Variants in ARFGEF3 observed in about 807,000 individuals in gnomAD.
ARFGEF3 encodes the protein brefeldin A-inhibited guanine nucleotide-exchange protein 3.
Under a neutral mutation model 221.7 loss-of-function variants are expected in ARFGEF3, and 96 were observed. The observed-to-expected ratio is 0.43, with a 90% confidence interval of 0.37 to 0.51. The LOEUF (loss-of-function observed/expected upper bound fraction) is 0.51. Ranked by LOEUF, ARFGEF3 falls within the 20% of genes least tolerant of loss-of-function variation. ARFGEF3 has a pLI of 0.00. For synonymous variants in ARFGEF3, 1,145 were observed against 1,126.8 expected (o/e 1.02, Z -0.32); for missense variants, 2,410 against 2,789.9 (o/e 0.86, Z 3.07).
chr6:138,317,023 T>C (rs1779937395), intron 26 of ARFGEF3, among the ~76,000 whole-genome samples: 1 of 152,232 alleles, frequency 6.6e-6, no homozygotes, highest in South Asian at 2.1e-4. Flanking sequence ...ACCTTTTTAT[T>C]AAAGGGGAAG....
At position 138,292,048 on chromosome 6, in the gene ARFGEF3, C is replaced by T. The variant is rs755656149; in HGVS notation, c.3363C>T (p.Ala1121=). The change falls in exon 19 of 34, where the codon GCC becomes GCT. Residue 1121 remains alanine, a synonymous_variant. Transcript: ENST00000251691. ...TGGTGCTCACCCTCTCCACGCAAGC[C>T]GACAGGTGCGCGGCGCCGGCCTCCC... ...AKVVLTLSTQ[A]DRLFEDATDK... is the part of the protein sequence containing the mutation. 7.0e-7 allele frequency: 1 copy of T among 1,437,692 alleles called. No individual in the cohort carries two copies. Among genetic ancestry groups the T allele is most frequent in the Non-Finnish European group, 9.1e-7 (1 of 1,098,492 alleles). The allele number at this position is 1,437,692 out of a possible 1,614,324, so 89.1% of individuals were successfully genotyped here. A position where few individuals can be genotyped will look rare whatever the true frequency, so the allele number is the denominator to read the frequency against.
intron 29 of ARFGEF3, among the ~76,000 whole-genome samples, chr6:138,322,695 T>C (rs767682704): frequency 6.6e-6 from 1 of 150,498 alleles, no homozygotes; most frequent in African/African-American, 2.5e-5. Flanking sequence ...CTCAGGAGGC[T>C]GAGGCAGGAG....
chr6:138,177,093 ATTTATATTTT>A (rs751576135), intron 2 of ARFGEF3, among the ~76,000 whole-genome samples: 1,996 of 129,560 alleles, frequency 0.015, 20 homozygotes, highest in Middle Eastern at 0.036. Context: ...TTATTTATTT[ATTTATATTTT>A]TTTTGAGACA....
intron 4 of ARFGEF3, among the ~76,000 whole-genome samples, chr6:138,215,676 G>A (rs977721849): frequency 2.6e-5 from 4 of 151,692 alleles, no homozygotes; most frequent in Non-Finnish European, 4.4e-5. Flanking sequence ...GAGCAGAAAA[G>A]CCAAGTCACA....
chr6:138,179,026 A>T (rs1043217001), intron 2 of ARFGEF3, among the ~76,000 whole-genome samples: 3 of 152,184 alleles, frequency 2.0e-5, no homozygotes, highest in African/African-American at 7.2e-5. Context: ...GATGCTAAAG[A>T]TACAAAGTTT....
chr6:138,279,480 C>G (rs975995461), intron 13 of ARFGEF3, among the ~76,000 whole-genome samples: 2 of 152,232 alleles, frequency 1.3e-5, no homozygotes, highest in Non-Finnish European at 2.9e-5. Context: ...ATGGAGCAAG[C>G]CACTCCATGG....
intron 12 of ARFGEF3, among the ~76,000 whole-genome samples, chr6:138,268,363 C>T (rs1778935432): frequency 1.3e-5 from 2 of 152,180 alleles, no homozygotes; most frequent in Non-Finnish European, 2.9e-5. Context: ...CTCACTTTGT[C>T]ATAAACGTCC....
chr6:138,193,613 G>A (rs1384095474), intron 2 of ARFGEF3, among the ~76,000 whole-genome samples: 1 of 152,174 alleles, frequency 6.6e-6, no homozygotes, highest in East Asian at 1.9e-4. Context: ...ATTTAGGAAT[G>A]CCAATTTTAG....
At chr6:138,258,634 C>T (rs1778730759) in intron 10 of ARFGEF3, among the ~76,000 whole-genome samples, 1 of 152,190 alleles carries the variant, frequency 6.6e-6, no homozygotes, top group African/African-American at 2.4e-5. Context: ...GAATGGGGAA[C>T]AAGCTTCTTG....
chr6:138,212,638 A>G (rs1469293871), intron 4 of ARFGEF3, among the ~76,000 whole-genome samples: 3 of 152,252 alleles, frequency 2.0e-5, no homozygotes, highest in African/African-American at 7.2e-5. Flanking sequence ...TATGTCCATC[A>G]ATGATAGACT....
chr6:138,164,166 C>A (rs376293786), intron 1 of ARFGEF3, among the ~76,000 whole-genome samples: 43 of 152,300 alleles, frequency 2.8e-4, no homozygotes, highest in East Asian at 1.7e-3. Flanking sequence ...TTTCCCACTC[C>A]AGTCCATTTC....
chr6:138,315,007 A>C lies in ARFGEF3; in HGVS notation c.4345+1068A>C, dbSNP rs577754798. ...ACTGCAAATTTGCAGATTCCACTTAAGTAGTTTCTAACTCTCAATTCTCTT... is the reference window on the plus strand; with the variant it reads ...ACTGCAAATTTGCAGATTCCACTTACGTAGTTTCTAACTCTCAATTCTCTT... On this transcript the variant is annotated intron_variant, in intron 26 of 33. Coordinates refer to ENST00000251691, the MANE Select transcript of ARFGEF3 (RefSeq NM_020340.5). 4.6e-5 allele frequency among the ~76,000 whole-genome samples: 7 copies of C among 152,362 alleles called. No homozygotes were observed. In the East Asian group the frequency reaches 1.3e-3, roughly 29 times the overall value.
intron 8 of ARFGEF3, among the ~76,000 whole-genome samples, chr6:138,250,498 C>T (rs917367187): frequency 1.3e-5 from 2 of 152,254 alleles, no homozygotes; most frequent in African/African-American, 4.8e-5. Flanking sequence ...TTCCCACTGT[C>T]TGTCTTAATT....
At position 138,285,955 on chromosome 6, in the gene ARFGEF3, G is replaced by A; in HGVS notation, c.2471G>A (p.Gly824Asp). Residue 824 changes from glycine to aspartate, a missense_variant, in exon 15 of 34, where the codon GGC becomes GAC. Physicochemically the swap from Gly to Asp is moderately conservative, Grantham distance 94. Transcript: ENST00000251691. ...TCTTTTTCCTTGACAGATATTGACG[G>A]CTTAGAGAGCAGTGCCATTGGTGGC... ...PLITMLTDID[G>D]LESSAIGGQL... 6.2e-7 allele frequency: 1 copy of A among 1,609,156 alleles called. No individual in the cohort carries two copies. The highest frequency in any genetic ancestry group is 1.1e-5 in the South Asian group (1 of 91,000).
chr6:138,263,438 C>G lies in ARFGEF3; in HGVS notation c.1955C>G (p.Ser652Cys), dbSNP rs748915198. 1 of 1,613,996 alleles carries G rather than the reference C, an allele frequency of 6.2e-7. No homozygotes were observed. Among genetic ancestry groups the G allele is most frequent in the Admixed American group, 1.7e-5 (1 of 60,028 alleles). ...QTPRDCLGHR[S>C]LRTAALSLKL... ...CCCCGGGACTGCCTAGGCCACCGGT[C>G]CCTGCGAACTGCCGCCCTGTCTCTA... is the stretch of plus-strand genomic sequence containing the variant. Residue 652 changes from serine (S) to cysteine (C), a missense_variant, in exon 12 of 34, where the codon TCC becomes TGC. Around this residue, in one of 5 missense-constraint regions of ARFGEF3, gnomAD observed 594 missense variants for 734.3 expected, o/e 0.81. Transcript: ENST00000251691.
chr6:138,247,813 AGT>A (rs1305011510), intron 8 of ARFGEF3, among the ~76,000 whole-genome samples: 5 of 152,356 alleles, frequency 3.3e-5, no homozygotes, highest in African/African-American at 1.2e-4. Flanking sequence ...TGTAAGATTG[AGT>A]GAGAAAATTC....
chr6:138,240,403 A>T (rs1710407075), intron 6 of ARFGEF3, among the ~76,000 whole-genome samples: 1 of 152,196 alleles, frequency 6.6e-6, no homozygotes, highest in Non-Finnish European at 1.5e-5. Flanking sequence ...GAGTTCATTT[A>T]ATCTTATTTT....
chr6:138,334,919 T>C lies in ARFGEF3; in HGVS notation c.6073T>C (p.Leu2025=). ...GGCAGCCGACAAGACCATTTCAAAGTTGATGACCGAATACAAAAAGAGGAA... is the reference window on the plus strand; with the variant it reads ...GGCAGCCGACAAGACCATTTCAAAGCTGATGACCGAATACAAAAAGAGGAA... The part of the protein sequence containing the change: ...TMAADKTISK[L]MTEYKKRKQQ... The change falls in exon 33 of 34, where the codon TTG becomes CTG. Residue 2025 remains leucine (L), a synonymous_variant. Coordinates refer to ENST00000251691, the MANE Select transcript of ARFGEF3 (RefSeq NM_020340.5). This position sits in a 1 kb window ranked among gnomAD's most constrained non-coding sequence, Gnocchi z 5.1. 6.3e-7 allele frequency: 1 copy of C among 1,590,430 alleles called. No individual in the cohort carries two copies. Among genetic ancestry groups the C allele is most frequent in the Non-Finnish European group, 8.6e-7 (1 of 1,169,122 alleles).
At chr6:138,331,769 A>G (rs1780231600) in intron 32 of ARFGEF3, among the ~76,000 whole-genome samples, 1 of 152,058 alleles carries the variant, frequency 6.6e-6, no homozygotes, top group African/African-American at 2.4e-5. Context: ...TGAATTAGAA[A>G]GTTATTTGTT....
Sources: gnomAD v4.1 joint callset for allele counts (sites outside exome capture counted in the v4.1 genomes callset) on GRCh38, gnomAD v4.1.1 for gene constraint, gnomAD v4.1.1 regional missense constraint, Gnocchi (gnomAD v3.1) non-coding constraint, MANE v1.5 for transcripts, NCBI Gene and HGNC (gene_info 2026-07-23, HGNC 2026-07-21) for gene names.